SAMD5: variants seen among roughly 807,000 people sequenced by gnomAD.
The protein encoded by SAMD5 is sterile alpha motif domain containing 5.
In SAMD5, 13 loss-of-function variants were observed where a neutral mutation model predicts 11.3. The ratio of observed to expected loss-of-function variants is 1.15; its 90% CI spans 0.75 to 1.83. The LOEUF (loss-of-function observed/expected upper bound fraction) is 1.83, where lower values mean the gene tolerates loss of function less well. Among genes scored for constraint, SAMD5 ranks in the 40% most tolerant of loss-of-function variants. The probability of loss-of-function intolerance (pLI) is 0.00; values close to 1 mark genes in which losing one functional copy is unlikely to be tolerated. For missense variants in SAMD5, 255 were observed against 239.1 expected, an observed-to-expected ratio of 1.07 and a Z score of -0.44; for synonymous variants, 129 against 111.3, an observed-to-expected ratio of 1.16 and a Z score of -1.00.
chr6:147,581,133 T>A (rs1361962339), intron 1 of SAMD5, among the ~76,000 whole-genome samples: 1 of 152,194 alleles, frequency 6.6e-6, no homozygotes, highest in South Asian at 2.1e-4. Flanking sequence ...CCCTCCTCAC[T>A]GCTTCCTGTT....
intron 1 of SAMD5, among the ~76,000 whole-genome samples, chr6:147,540,932 C>CA (rs1788591261): frequency 2.8e-5 from 3 of 106,318 alleles, no homozygotes; most frequent in African/African-American, 4.0e-5. Context: ...TCAAGCCACG[C>CA]GTTTTTTTTT....
intron 1 of SAMD5, among the ~76,000 whole-genome samples, chr6:147,524,509 G>A (rs1010293170): frequency 2.6e-5 from 4 of 151,108 alleles, no homozygotes; most frequent in East Asian, 1.9e-4. Flanking sequence ...CCTTTTCATC[G>A]TGCTTTGATT....
the SAMD5 span, among the ~76,000 whole-genome samples, chr6:147,816,301 A>AAAAAAAAAAAAAAAAAAAAAT: frequency 1.5e-5 from 1 of 66,362 alleles, no homozygotes; most frequent in Non-Finnish European, 2.4e-5. Flanking sequence ...AAAAAAAAAA[A>AAAAAAAAAAAAAAAAAAAAAT]ATATATATAT....
chr6:147,805,617 T>C, the SAMD5 span, among the ~76,000 whole-genome samples: 21,134 of 152,178 alleles, frequency 0.14, 1,636 homozygotes, highest in Middle Eastern at 0.19. Context: ...TCCTGCTCTA[T>C]GTTAGATCCT....
the SAMD5 span, among the ~76,000 whole-genome samples, chr6:147,937,911 T>A: frequency 2.6e-5 from 4 of 152,194 alleles, no homozygotes; most frequent in Non-Finnish European, 5.9e-5. Context: ...CATACACAGC[T>A]TTTCTAGGGT....
intron 1 of SAMD5, among the ~76,000 whole-genome samples, chr6:147,681,531 G>A (rs1034588197): frequency 6.6e-6 from 1 of 151,932 alleles, no homozygotes; most frequent in Non-Finnish European, 1.5e-5. Flanking sequence ...TGTTGATTCC[G>A]ATTGATTATT....
exon 2 of SAMD5, chr6:147,737,444 C>T (rs1278284767): frequency 1.2e-6 from 1 of 839,108 alleles, no homozygotes. Context: ...TCTTTGGACA[C>T]ATAATTTTGC....
the SAMD5 span, among the ~76,000 whole-genome samples, chr6:147,850,020 A>G: frequency 6.6e-6 from 1 of 152,210 alleles, no homozygotes; most frequent in Non-Finnish European, 1.5e-5. Flanking sequence ...GAGCAGTCTG[A>G]TCTTTTTGGC....
At chr6:147,729,456 A>G (rs982655455) in intron 1 of SAMD5, among the ~76,000 whole-genome samples, 3 of 152,262 alleles carry the variant, frequency 2.0e-5, no homozygotes, top group Non-Finnish European at 2.9e-5. Flanking sequence ...ACTGTATGCC[A>G]GGAATTGTTA....
chr6:147,896,794 G>C, the SAMD5 span, among the ~76,000 whole-genome samples: 2 of 140,106 alleles, frequency 1.4e-5, no homozygotes, highest in East Asian at 4.1e-4. Context: ...AAAGTGTGCA[G>C]TTTGGGGATT....
At chr6:147,640,338 G>A (rs866162172) in intron 1 of SAMD5, among the ~76,000 whole-genome samples, 69 of 139,620 alleles carry the variant, frequency 4.9e-4, no homozygotes, top group African/African-American at 1.6e-3. Context: ...AAAAAAAAAA[G>A]AAAAAAAAAA....
the SAMD5 span, among the ~76,000 whole-genome samples, chr6:147,822,700 A>C: frequency 6.6e-6 from 1 of 152,200 alleles, no homozygotes; most frequent in African/African-American, 2.4e-5. Flanking sequence ...AAAACCAGCA[A>C]TTATCCCTCT....
the SAMD5 span, among the ~76,000 whole-genome samples, chr6:147,946,179 A>C: frequency 6.6e-6 from 1 of 152,144 alleles, no homozygotes; most frequent in Non-Finnish European, 1.5e-5. Flanking sequence ...AGTTTTCTCC[A>C]TGAATCCTTT....
intron 1 of SAMD5, among the ~76,000 whole-genome samples, chr6:147,629,562 A>G (rs1188859028): frequency 6.6e-6 from 1 of 152,226 alleles, no homozygotes; most frequent in Non-Finnish European, 1.5e-5. Flanking sequence ...TAAAGGGAAA[A>G]CTAGTGGAGG....
chr6:147,514,787 T>C (rs1236287923), intron 1 of SAMD5, among the ~76,000 whole-genome samples: 2 of 152,180 alleles, frequency 1.3e-5, no homozygotes, highest in East Asian at 1.9e-4. Flanking sequence ...TTTAATACTT[T>C]CGTAGGAGTG....
At chr6:147,908,613 A>G in the SAMD5 span, among the ~76,000 whole-genome samples, 25 of 152,290 alleles carry the variant, frequency 1.6e-4, no homozygotes, top group East Asian at 4.2e-3. Flanking sequence ...AGGGAAAGAG[A>G]ACAACTATAT....
chr6:147,613,125 TGG>T (rs1409978571), intron 1 of SAMD5, among the ~76,000 whole-genome samples: 78 of 152,256 alleles, frequency 5.1e-4, no homozygotes, highest in African/African-American at 1.9e-3. Flanking sequence ...CACTCTAGCC[TGG>T]GTGACAGAGC....
intron 1 of SAMD5, among the ~76,000 whole-genome samples, chr6:147,559,402 T>C (rs528303219): frequency 6.6e-6 from 1 of 152,338 alleles, no homozygotes; most frequent in African/African-American, 2.4e-5. Context: ...CTGATAGTTT[T>C]TTTCTGAAGA....
In SAMD5 at chr6:147,564,936, T is replaced by A. The variant is rs946108471; in HGVS notation, c.*480T>A. On this transcript the variant is annotated 3_prime_UTR_variant, in exon 2 of 2. Transcript: ENST00000367474. Reference sequence around the variant, plus strand: ...AGCATACATTCTACTTCATTTCATATAGGACCATGTTTTTATAAGATAAGA... The same window carrying A: ...AGCATACATTCTACTTCATTTCATAAAGGACCATGTTTTTATAAGATAAGA... 1.2e-6 allele frequency: 1 copy of A among 834,262 alleles called. No homozygotes were observed. Among genetic ancestry groups the A allele is most frequent in the African/African-American group, 1.9e-5 (1 of 53,746 alleles). The allele number at this position is 834,262 out of a possible 1,614,324, so 51.7% of individuals were successfully genotyped here. A position where few individuals can be genotyped will look rare whatever the true frequency, so the allele number is the denominator to read the frequency against.
Sources: allele counts gnomAD v4.1 joint callset (sites outside exome capture counted in the v4.1 genomes callset), GRCh38; gene constraint gnomAD v4.1.1; transcripts MANE v1.5; gene names NCBI Gene and HGNC (gene_info 2026-07-23, HGNC 2026-07-21).